The following MVP variants were observed in gnomAD, a reference collection of about 807,000 sequenced individuals.
MVP encodes major vault protein.
MVP carries 62 observed loss-of-function variants against 83.5 expected under a neutral mutation model. The observed-to-expected ratio is 0.74, with a 90% CI of 0.61 to 0.92. The LOEUF (loss-of-function observed/expected upper bound fraction) is 0.92. Among genes scored for constraint, MVP ranks in the 40% least tolerant of loss-of-function variants. The pLI, the probability that MVP is intolerant of heterozygous loss-of-function variation, is 0.00. For missense variants in MVP, 1,000 were observed against 1,203.4 expected, an observed-to-expected ratio of 0.83 and a Z score of 2.50; for synonymous variants, 505 against 504.1, an observed-to-expected ratio of 1.00 and a Z score of -0.02.
intron 1 of MVP, among the ~76,000 whole-genome samples, chr16:29,824,230 A>AAAAC (rs2067389147): frequency 6.7e-6 from 1 of 149,316 alleles, no homozygotes; most frequent in Non-Finnish European, 1.5e-5. Context: ...AAAAAAAAAA[A>AAAAC]AAAAAAAAAA....
intron 7 of MVP, 69 bp from the exon 8 acceptor site, chr16:29,840,109 T>C (rs1347253359): frequency 1.3e-6 from 2 of 1,495,796 alleles, no homozygotes; most frequent in Non-Finnish European, 1.8e-6. Context: ...AGCACAGGAC[T>C]GGGGAGGTAC....
intron 1 of MVP, chr16:29,822,580 C>G (rs1026343629): frequency 1.3e-5 from 2 of 152,090 alleles, no homozygotes; most frequent in African/African-American, 4.8e-5. Flanking sequence ...GCCGCATCAC[C>G]GACCTTACGT....
chr16:29,833,348 G>A (rs948814784), intron 3 of MVP: 1 of 194,236 alleles, frequency 5.1e-6, no homozygotes, highest in Admixed American at 5.5e-5. Context: ...CCAGGCTGAA[G>A]TGCAGTGGTG....
At position 29,841,323 on chromosome 16, in the gene MVP, T is replaced by C. The variant is rs750102655; in HGVS notation, c.1192-273T>C. ...TGCCAAGAGCTGTTTGAGCTAGACA[T>C]GTGAAGATGTCATTCACCCCTAGAC... On this transcript the variant is annotated intron_variant, in intron 8 of 14. Transcript: ENST00000357402. The surrounding 1 kb of genome is among the most constrained non-coding windows in gnomAD (Gnocchi z 4.7). Among the ~76,000 whole-genome samples, 1 of 152,066 alleles carries C rather than the reference T, an allele frequency of 6.6e-6. No individual in the cohort carries two copies.
intron 3 of MVP, chr16:29,831,828 C>G: frequency 2.4e-6 from 1 of 420,802 alleles, no homozygotes; most frequent in Non-Finnish European, 4.8e-6. Flanking sequence ...CAGCCAGGCT[C>G]TTGTCCCCGT....
At chr16:29,829,800 G>A (rs2067428392) in intron 1 of MVP, 1 of 152,252 alleles carries the variant, frequency 6.6e-6, no homozygotes, top group African/African-American at 2.4e-5. Flanking sequence ...TGTTAGTAAT[G>A]CAGCTGGTTC....
chr16:29,823,105 T>C (rs927232411), intron 1 of MVP, among the ~76,000 whole-genome samples: 101 of 148,076 alleles, frequency 6.8e-4, no homozygotes, highest in Admixed American at 2.1e-3. Context: ...CATTTTTTTT[T>C]CCTTTTCTTT....
chr16:29,837,148 A>T (rs1188265758), intron 7 of MVP, among the ~76,000 whole-genome samples, 190 bp downstream of exon 7: 1 of 152,130 alleles, frequency 6.6e-6, no homozygotes, highest in African/African-American at 2.4e-5. Flanking sequence ...TACCCCTCAG[A>T]CCTGAAGTTA....
intron 6 of MVP, among the ~76,000 whole-genome samples, chr16:29,836,100 T>A (rs1406902157): frequency 6.6e-6 from 1 of 151,616 alleles, no homozygotes; most frequent in Admixed American, 6.6e-5. Flanking sequence ...AACTCATCGC[T>A]ACAAAAAATT....
chr16:29,826,148 T>G (rs1023025298), intron 1 of MVP: 1 of 152,222 alleles, frequency 6.6e-6, no homozygotes, highest in Non-Finnish European at 1.5e-5. Flanking sequence ...GATAGGAAAG[T>G]TGGGCCTCAG....
rs758212695 is a variant in MVP, at chr16:29,831,023, C to T, written c.271C>T (p.Arg91Trp). 5 of 1,613,690 alleles carry T rather than the reference C, an allele frequency of 3.1e-6. 1 individual carries two copies. The South Asian group carries it at 3.3e-5, about 11-fold the overall frequency. Residue 91 changes from arginine to tryptophan, a missense_variant, in exon 3 of 15, where the codon CGG becomes TGG. By Grantham distance (101) the Arg-to-Trp change is moderately radical. Coordinates refer to ENST00000357402, the MANE Select transcript of MVP (RefSeq NM_005115.5). The part of the protein sequence containing the change: ...VRLRHADLEI[R>W]LAQDPFPLYP... ...GCTTCGCCACGCTGACCTCGAGATC[C>T]GGCTGGCCCAGGACCCCTTCCCCCT...
intron 1 of MVP, among the ~76,000 whole-genome samples, chr16:29,825,190 C>A (rs1163429106): frequency 6.6e-6 from 1 of 152,122 alleles, no homozygotes; most frequent in African/African-American, 2.4e-5. Flanking sequence ...CCTCATGACA[C>A]CTGAGGGAGG....
intron 8 of MVP, among the ~76,000 whole-genome samples, chr16:29,840,778 T>A (rs1337894930): frequency 6.6e-6 from 1 of 152,062 alleles, no homozygotes; most frequent in Non-Finnish European, 1.5e-5. Flanking sequence ...CTGTCTCTAC[T>A]AAAAGTACAA....
At chr16:29,844,394 T>C in intron 10 of MVP, 99 bp from the exon 11 acceptor site, 1 of 1,462,094 alleles carries the variant, frequency 6.8e-7, no homozygotes, top group South Asian at 1.5e-5. Context: ...AGCCCAGGAG[T>C]TCAAGACCAG....
chr16:29,835,691 A>G lies in MVP; in HGVS notation c.578-13A>G, dbSNP rs768855650. 2.5e-6 allele frequency: 4 copies of G among 1,612,280 alleles called. No individual in the cohort carries two copies. In the East Asian group the frequency reaches 8.9e-5, roughly 36 times the overall value. ...GGGGGGCCCTTGTCCCTTACCCTCC[A>G]CTCTTGGCCCAGGGGAAGAATGGCT... On this transcript the variant is annotated splice_polypyrimidine_tract_variant and intron_variant, in intron 5 of 14. Transcript: ENST00000357402.
In MVP at chr16:29,847,892, T is replaced by C; in HGVS notation, c.2585T>C (p.Val862Ala). ...GPEGQPLGRR[V>A]ASGPSPGEGI... ...GAGGGTCAGCCCCTGGGCAGAAGGG[T>C]GGCCAGTGGGCCCAGCCCTGGGGAG... Residue 862 changes from valine to alanine, a missense_variant, in exon 15 of 15, where the codon GTG becomes GCG. By Grantham distance (64) the Val-to-Ala change is moderately conservative. Coordinates refer to ENST00000357402, the MANE Select transcript of MVP (RefSeq NM_005115.5). 3.7e-6 allele frequency: 6 copies of C among 1,613,928 alleles called. No homozygotes were observed. The highest frequency in any genetic ancestry group is 5.1e-6 in the Non-Finnish European group (6 of 1,179,854).
Position 29,847,393 on chromosome 16 carries a change from T to C in MVP, c.2454+8T>C, listed in dbSNP as rs1260417681. The C allele has an allele frequency of 2.0e-6, 3 of 1,529,314 alleles. No individual in the cohort carries two copies. The highest frequency in any genetic ancestry group is 2.6e-5 in the South Asian group (2 of 77,102). The allele number at this position is 1,529,314 out of a possible 1,614,324, so 94.7% of individuals were successfully genotyped here. On this transcript the variant is annotated splice_region_variant and intron_variant, in intron 14 of 14. Coordinates refer to ENST00000357402, the MANE Select transcript of MVP (RefSeq NM_005115.5). Reference sequence around the variant, plus strand: ...GCTGGGCCTGAGATGCAGGTGAGAGTTGGGGAAGGTGTGTTGGTTTCAGGA... The same window carrying C: ...GCTGGGCCTGAGATGCAGGTGAGAGCTGGGGAAGGTGTGTTGGTTTCAGGA...
In MVP at chr16:29,841,552, C is replaced by G; in HGVS notation, c.1192-44C>G. ...GGGACAGCTGGGCGGATCTTCCTCC[C>G]TTCCACCCTTACGGGCAGCTTCCCT... is the stretch of plus-strand genomic sequence containing the variant. On this transcript the variant is annotated intron_variant, in intron 8 of 14. Coordinates refer to ENST00000357402, the MANE Select transcript of MVP (RefSeq NM_005115.5). This position sits in a 1 kb window ranked among gnomAD's most constrained non-coding sequence, Gnocchi z 4.7. 6.5e-7 allele frequency: 1 copy of G among 1,534,874 alleles called. No homozygotes were observed. The highest frequency in any genetic ancestry group is 1.3e-5 in the South Asian group (1 of 78,618).
intron 1 of MVP, among the ~76,000 whole-genome samples, chr16:29,826,574 C>T (rs1017763743): frequency 2.7e-5 from 4 of 146,052 alleles, no homozygotes; most frequent in Non-Finnish European, 6.0e-5. Context: ...CTACAGTGAG[C>T]TGTGATCACT....
Sources: gnomAD v4.1 joint callset for allele counts (sites outside exome capture counted in the v4.1 genomes callset) on GRCh38, gnomAD v4.1.1 for gene constraint, Gnocchi (gnomAD v3.1) non-coding constraint, MANE v1.5 for transcripts, NCBI Gene and HGNC (gene_info 2026-07-23, HGNC 2026-07-21) for gene names.